Variants in TMED2 observed in about 807,000 individuals in gnomAD.
The protein encoded by TMED2 is transmembrane p24 trafficking protein 2.
A neutral mutation model predicts 17.5 loss-of-function variants in TMED2; 3 were observed. The observed-to-expected ratio is 0.17, with a 90% CI of 0.08 to 0.44. The LOEUF is 0.44. TMED2 is among the 20% of genes least tolerant of loss of function. The pLI is 0.99. For synonymous variants in TMED2, 95 were observed against 91.0 expected, an observed-to-expected ratio of 1.04 and a Z score of -0.25; for missense variants, 149 against 254.8, an observed-to-expected ratio of 0.58 and a Z score of 2.83.
intron 3 of TMED2, among the ~76,000 whole-genome samples, chr12:123,594,994 C>T (rs1030787807): frequency 6.6e-5 from 10 of 151,966 alleles, no homozygotes; most frequent in African/African-American, 2.2e-4. Context: ...TTTGGGAGGC[C>T]GAGGCAGGCA....
intron 3 of TMED2, among the ~76,000 whole-genome samples, chr12:123,594,712 A>C (rs1473932510): frequency 1.4e-5 from 2 of 142,814 alleles, no homozygotes; most frequent in Admixed American, 1.4e-4. Context: ...ACATGGAGAA[A>C]CCGCATCTCT....
chr12:123,584,888 C>T (rs1017310807), intron 1 of TMED2, 72 bp downstream of exon 1: 14 of 1,566,856 alleles, frequency 8.9e-6, no homozygotes, highest in Admixed American at 8.6e-5. Context: ...CTGGGACCGG[C>T]GCGGGGCCTG....
At position 123,592,478 on chromosome 12, in the gene TMED2, T is replaced by C. The variant is rs181623455; in HGVS notation, c.481+2029T>C. The stretch of plus-strand genomic sequence containing the variant: ...CTTTAGGGTGTCCAACCTTGTTCTC[T>C]CACCCATGATTTGAGTGGAGATACT... On this transcript the variant is annotated intron_variant, in intron 3 of 3. Transcript: ENST00000262225. Among the ~76,000 whole-genome samples the C allele has an allele frequency of 4.7e-4, 72 of 152,342 alleles. 1 individual carries two copies. Among genetic ancestry groups the C allele is most frequent in the Admixed American group, 4.1e-3 (62 of 15,298 alleles).
At position 123,586,242 on chromosome 12, in the gene TMED2, G is replaced by T. The variant is rs180880289; in HGVS notation, c.181-505G>T. On this transcript the variant is annotated intron_variant, in intron 1 of 3. Coordinates refer to ENST00000262225, the MANE Select transcript of TMED2 (RefSeq NM_006815.4). ...TCAGGACCTAAAGGTGTTTTAGAAA[G>T]CCATGAAGTCAACTCTTATTTTATA... is the stretch of plus-strand genomic sequence containing the variant. 350 of 152,358 alleles carry T rather than the reference G, an allele frequency of 2.3e-3. 1 individual carries two copies. The highest frequency in any genetic ancestry group is 3.5e-3 in the Non-Finnish European group (242 of 68,200). 9.4% of individuals were successfully genotyped at this position (152,358 alleles called of 1,614,324 possible). A position where few individuals can be genotyped will look rare whatever the true frequency, so the allele number is the denominator to read the frequency against.
At chr12:123,590,577 AC>A (rs1953384263) in intron 3 of TMED2, 128 bp downstream of exon 3, 1 of 622,508 alleles carries the variant, frequency 1.6e-6, no homozygotes, top group Non-Finnish European at 2.7e-6. Context: ...TTAAAAGTGT[AC>A]CTACACGAGA....
chr12:123,587,120 G>C (rs1402980993), intron 2 of TMED2, among the ~76,000 whole-genome samples, 181 bp downstream of exon 2: 4 of 151,988 alleles, frequency 2.6e-5, no homozygotes, highest in Non-Finnish European at 2.9e-5. Flanking sequence ...CTTGAGGCTA[G>C]TGTTTGTTTT....
Position 123,590,407 on chromosome 12 carries a change from G to A in TMED2, c.439G>A (p.Glu147Lys). ...AGTGGCGATGACAGCTGTAAAGCAC[G>A]AACAGGAATACATGGAAGTCCGGGA... The part of the protein sequence containing the change: ...LAVAMTAVKH[E>K]QEYMEVRERI... Residue 147 changes from glutamate to lysine, a missense_variant, in exon 3 of 4, where the codon GAA (glutamate) becomes AAA (lysine). Coordinates refer to ENST00000262225, the MANE Select transcript of TMED2 (RefSeq NM_006815.4). 1 of 1,609,508 alleles carries A rather than the reference G, an allele frequency of 6.2e-7. No individual in the cohort carries two copies. The highest frequency in any genetic ancestry group is 1.1e-5 in the South Asian group (1 of 90,894).
At chr12:123,586,375 A>T (rs1953345743) in intron 1 of TMED2, 1 of 144,250 alleles carries the variant, frequency 6.9e-6, no homozygotes, top group Non-Finnish European at 1.5e-5. Context: ...TTTTTGGACC[A>T]AGTCTCGCTC....
At chr12:123,593,509 G>T (rs966802401) in intron 3 of TMED2, among the ~76,000 whole-genome samples, 25 of 152,192 alleles carry the variant, frequency 1.6e-4, no homozygotes, top group African/African-American at 5.8e-4. Flanking sequence ...CAGCAAAATG[G>T]ATAGTAATAT....
chr12:123,587,600 C>G (rs1953359937), intron 2 of TMED2: 1 of 1,277,378 alleles, frequency 7.8e-7, no homozygotes, highest in South Asian at 1.3e-5. Flanking sequence ...GATATCTTAA[C>G]TTTTCTTTAG....
At chr12:123,595,282 G>A (rs1052164466) in intron 3 of TMED2, among the ~76,000 whole-genome samples, 40 of 152,288 alleles carry the variant, frequency 2.6e-4, no homozygotes, top group Admixed American at 2.6e-3. Context: ...GTAACAAATA[G>A]AGTATAGTAA....
intron 3 of TMED2, among the ~76,000 whole-genome samples, chr12:123,593,752 C>T (rs1190417312): frequency 6.6e-6 from 1 of 152,198 alleles, no homozygotes; most frequent in Admixed American, 6.6e-5. Context: ...CCCGCCTTGG[C>T]CTCCCAAAGT....
chr12:123,592,689 A>G (rs1490744639), intron 3 of TMED2, among the ~76,000 whole-genome samples: 1 of 152,236 alleles, frequency 6.6e-6, no homozygotes, highest in Non-Finnish European at 1.5e-5. Flanking sequence ...TCCTTTCACT[A>G]CAGTGTTGTA....
chr12:123,584,863 G>A, intron 1 of TMED2, 47 bp downstream of exon 1: 1 of 1,593,460 alleles, frequency 6.3e-7, no homozygotes, highest in Non-Finnish European at 8.5e-7. Context: ...GTGGCCACTC[G>A]GGGATTGGTG....
At chr12:123,592,120 C>T (rs748807674) in intron 3 of TMED2, among the ~76,000 whole-genome samples, 1 of 152,218 alleles carries the variant, frequency 6.6e-6, no homozygotes, top group Non-Finnish European at 1.5e-5. Context: ...CCCCTCATCC[C>T]CACTTGTTTT....
chr12:123,596,463 A>G (rs1448793701), intron 3 of TMED2, 142 bp from the exon 4 acceptor site: 33 of 1,087,390 alleles, frequency 3.0e-5, no homozygotes, highest in Non-Finnish European at 3.6e-5. Flanking sequence ...ATGTAACCCC[A>G]TCGTAAGTTG....
chr12:123,589,348 G>A (rs1043282382), intron 2 of TMED2, among the ~76,000 whole-genome samples: 5 of 152,142 alleles, frequency 3.3e-5, no homozygotes, highest in Non-Finnish European at 5.9e-5. Context: ...AGTCTGTTTT[G>A]GTGCTGCTCC....
intron 3 of TMED2, among the ~76,000 whole-genome samples, chr12:123,591,772 CTCTG>C (rs1296547722): frequency 6.6e-6 from 1 of 150,448 alleles, no homozygotes; most frequent in Non-Finnish European, 1.5e-5. Context: ...CAGAGCGAGA[CTCTG>C]TCTGAAAAAA....
At chr12:123,591,627 C>G (rs184466499) in intron 3 of TMED2, among the ~76,000 whole-genome samples, 2 of 152,132 alleles carry the variant, frequency 1.3e-5, no homozygotes, top group Admixed American at 1.3e-4. Flanking sequence ...ACTAAAACTA[C>G]AAAAATTAGC....
Sources: gnomAD v4.1 joint callset for allele counts (sites outside exome capture counted in the v4.1 genomes callset) on GRCh38, gnomAD v4.1.1 for gene constraint, MANE v1.5 for transcripts, NCBI Gene and HGNC (gene_info 2026-07-23, HGNC 2026-07-21) for gene names.